Variants in ASTN2 observed in about 807,000 individuals in gnomAD.
ASTN2 encodes astrotactin-2.
ASTN2 carries 54 observed loss-of-function variants against 139.8 expected under a neutral mutation model. The ratio of observed to expected loss-of-function variants is 0.39; its 90% CI spans 0.31 to 0.48. The LOEUF (loss-of-function observed/expected upper bound fraction) is 0.48, where lower values mean the gene tolerates loss of function less well. Ranked by LOEUF, ASTN2 falls within the 20% of genes least tolerant of loss-of-function variation. ASTN2 has a pLI of 0.95. For missense variants in ASTN2, 1,565 were observed against 1,725.1 expected (o/e 0.91, Z 1.64); for synonymous variants, 756 against 719.5 (o/e 1.05, Z -0.81).
chr9:117,236,362 G>T (rs1337653285), intron 2 of ASTN2, among the ~76,000 whole-genome samples: 1 of 152,174 alleles, frequency 6.6e-6, no homozygotes. Flanking sequence ...GGTCCCAAAG[G>T]CTTCATCCCT....
chr9:116,485,474 A>G (rs1376287765), intron 20 of ASTN2, among the ~76,000 whole-genome samples: 1 of 152,228 alleles, frequency 6.6e-6, no homozygotes, highest in Non-Finnish European at 1.5e-5. Context: ...ATCGCTCTTA[A>G]TGTAGTCACA....
chr9:116,442,362 CGT>C, intron 21 of ASTN2, 89 bp downstream of exon 21: 4 of 971,066 alleles, frequency 4.1e-6, no homozygotes, highest in South Asian at 1.3e-5. Context: ...TCAGGGTGTG[CGT>C]GTGTGTGTTT....
At chr9:117,368,166 A>T (rs1005242024) in intron 1 of ASTN2, among the ~76,000 whole-genome samples, 4 of 152,176 alleles carry the variant, frequency 2.6e-5, no homozygotes, top group African/African-American at 9.6e-5. Flanking sequence ...TTTATGTAGC[A>T]ATTCTTCATC....
At chr9:117,408,163 AG>A (rs1831054656) in intron 1 of ASTN2, among the ~76,000 whole-genome samples, 1 of 150,132 alleles carries the variant, frequency 6.7e-6, no homozygotes, top group Non-Finnish European at 1.5e-5. Context: ...TTTTTTTGGC[AG>A]GGGGAGAGGA....
chr9:116,633,186 A>G (rs1226791964), intron 17 of ASTN2, among the ~76,000 whole-genome samples: 1 of 152,240 alleles, frequency 6.6e-6, no homozygotes. Flanking sequence ...AATAGGAAAC[A>G]TCGGTTATAA....
chr9:116,944,580 G>T (rs1835330016), intron 10 of ASTN2, among the ~76,000 whole-genome samples: 1 of 151,280 alleles, frequency 6.6e-6, no homozygotes, highest in African/African-American at 2.4e-5. Flanking sequence ...TACTTGGGAG[G>T]CTGAGGCAGG....
At chr9:116,606,056 A>T (rs1855180331) in intron 19 of ASTN2, among the ~76,000 whole-genome samples, 1 of 152,150 alleles carries the variant, frequency 6.6e-6, no homozygotes, top group African/African-American at 2.4e-5. Context: ...TTACTCCCAC[A>T]TCTACCCTGC....
chr9:116,833,458 T>C (rs1318645898), intron 11 of ASTN2, among the ~76,000 whole-genome samples: 1 of 151,444 alleles, frequency 6.6e-6, no homozygotes, highest in Non-Finnish European at 1.5e-5. Flanking sequence ...TCTAGGTTCT[T>C]GAGGTGGGAG....
At chr9:116,878,402 GGC>G (rs1833360766) in intron 10 of ASTN2, among the ~76,000 whole-genome samples, 1 of 152,066 alleles carries the variant, frequency 6.6e-6, no homozygotes, top group African/African-American at 2.4e-5. Flanking sequence ...CCTTTGCAGG[GGC>G]ACAGTTGGAG....
At chr9:117,077,543 T>C (rs1587938023) in intron 5 of ASTN2, among the ~76,000 whole-genome samples, 1 of 150,094 alleles carries the variant, frequency 6.7e-6, no homozygotes, top group African/African-American at 2.5e-5. Flanking sequence ...AGCCCAGGAG[T>C]TCAAGACCAG....
intron 2 of ASTN2, among the ~76,000 whole-genome samples, chr9:117,233,230 C>G (rs1475115552): frequency 6.6e-6 from 1 of 152,266 alleles, no homozygotes; most frequent in South Asian, 2.1e-4. Context: ...TTCCCCCAAG[C>G]GAGCATGTGT....
intron 10 of ASTN2, among the ~76,000 whole-genome samples, chr9:116,904,802 A>G (rs373599340): frequency 9.2e-4 from 140 of 152,294 alleles, no homozygotes; most frequent in African/African-American, 3.1e-3. Flanking sequence ...TAAACTCAAG[A>G]TTAAGGCTGC....
chr9:117,284,532 G>A (rs1039131961), intron 2 of ASTN2, among the ~76,000 whole-genome samples: 2 of 152,358 alleles, frequency 1.3e-5, no homozygotes, highest in African/African-American at 4.8e-5. Context: ...AGGAAAGCCT[G>A]GAGCAGATCT....
At chr9:116,954,660 T>G (rs1835660535) in intron 10 of ASTN2, among the ~76,000 whole-genome samples, 1 of 122,740 alleles carries the variant, frequency 8.1e-6, no homozygotes, top group Non-Finnish European at 2.0e-5. Flanking sequence ...AAAACTTTAT[T>G]TATTAAAAAA....
chr9:117,177,860 C>T (rs1288353526), intron 3 of ASTN2, among the ~76,000 whole-genome samples: 1 of 152,116 alleles, frequency 6.6e-6, no homozygotes, highest in Non-Finnish European at 1.5e-5. Flanking sequence ...AGGTGGGGCC[C>T]CTTCAGGAAT....
chr9:116,904,575 G>T (rs4836907), intron 10 of ASTN2, among the ~76,000 whole-genome samples: 125,979 of 152,132 alleles, frequency 0.83, 53,262 homozygotes, highest in Non-Finnish European at 0.92. Flanking sequence ...GGAATAATGA[G>T]GTTACCCATC....
At chr9:117,127,326 G>A (rs1454924618) in intron 4 of ASTN2, among the ~76,000 whole-genome samples, 1 of 152,198 alleles carries the variant, frequency 6.6e-6, no homozygotes, top group Admixed American at 6.5e-5. Context: ...GCGTTTCTCG[G>A]CTAACACCCT....
At position 116,560,971 on chromosome 9, in the gene ASTN2, T is replaced by C. The variant is rs1852877362; in HGVS notation, c.3355+57353A>G. Among the ~76,000 whole-genome samples, 3 of 152,204 alleles carry C rather than the reference T, an allele frequency of 2.0e-5. No homozygotes were observed. The South Asian group carries it at 6.2e-4, about 32-fold the overall frequency. ...AAGAACAAAGAAAAATGTACATGTGTTGTTATGCTAGGATGGGGTAGACAT... is the reference window on the plus strand; with the variant it reads ...AAGAACAAAGAAAAATGTACATGTGCTGTTATGCTAGGATGGGGTAGACAT... On this transcript the variant is annotated intron_variant, in intron 19 of 22. Coordinates refer to ENST00000313400, the MANE Select transcript of ASTN2 (RefSeq NM_001365068.1).
intron 19 of ASTN2, among the ~76,000 whole-genome samples, chr9:116,538,619 C>T (rs1044474026): frequency 6.6e-6 from 1 of 152,126 alleles, no homozygotes; most frequent in African/African-American, 2.4e-5. Context: ...AGTGAAAATT[C>T]TTCATGTTGA....
Sources: gnomAD v4.1 joint callset for allele counts (sites outside exome capture counted in the v4.1 genomes callset) on GRCh38, gnomAD v4.1.1 for gene constraint, MANE v1.5 for transcripts, NCBI Gene and HGNC (gene_info 2026-07-23, HGNC 2026-07-21) for gene names.